RAD51B: variants seen among roughly 807,000 people sequenced by gnomAD.
RAD51B encodes the protein RAD51 paralog B, also known as DNA repair protein RAD51 homolog 2.
RAD51B carries 38 observed loss-of-function variants against 42.2 expected under a neutral mutation model. The observed-to-expected ratio is 0.90, with a 90% confidence interval of 0.70 to 1.18. The LOEUF (loss-of-function observed/expected upper bound fraction) is 1.18. RAD51B is among the 50% of genes most tolerant of loss of function. RAD51B has a pLI of 0.00. For missense variants in RAD51B, 373 were observed against 400.7 expected, an observed-to-expected ratio of 0.93 and a Z score of 0.59; for synonymous variants, 154 against 145.2, an observed-to-expected ratio of 1.06 and a Z score of -0.43.
chr14:68,349,928 G>T (rs1469351207), intron 8 of RAD51B, among the ~76,000 whole-genome samples: 1 of 152,204 alleles, frequency 6.6e-6, no homozygotes, highest in African/African-American at 2.4e-5. Flanking sequence ...ACACATAGAT[G>T]CAAGCTTGTG....
intron 7 of RAD51B, among the ~76,000 whole-genome samples, chr14:68,264,336 G>A (rs1384743397): frequency 6.6e-6 from 1 of 152,236 alleles, no homozygotes; most frequent in East Asian, 1.9e-4. Context: ...TCTATGACTG[G>A]GGTTAGGGAT....
At position 68,422,049 on chromosome 14, in the gene RAD51B, C is replaced by A. The variant is rs1488001931; in HGVS notation, c.957+10522C>A. The A allele has an allele frequency of 2.0e-6, 3 of 1,535,492 alleles. No individual in the cohort carries two copies. The African/African-American group carries it at 4.1e-5, about 21-fold the overall frequency. On this transcript the variant is annotated intron_variant, in intron 9 of 10. Coordinates refer to ENST00000471583, the MANE Select transcript of RAD51B (RefSeq NM_133510.4). ...GGAATAATTCTGTGAAAGCAGGAAA[C>A]CTTATAACCAAATCCTTTCTCTCCA...
At chr14:68,506,592 G>C (rs1406415263) in intron 10 of RAD51B, among the ~76,000 whole-genome samples, 1 of 152,248 alleles carries the variant, frequency 6.6e-6, no homozygotes, top group Admixed American at 6.5e-5. Context: ...TGGCTCCCCA[G>C]CTCCTGTGTG....
chr14:68,648,023 G>GTATATATA (rs1398832977), intron 10 of RAD51B, among the ~76,000 whole-genome samples: 1 of 28,628 alleles, frequency 3.5e-5, no homozygotes, highest in Admixed American at 3.9e-4. Context: ...ATATATATAC[G>GTATATATA]TATATATATA....
intron 7 of RAD51B, among the ~76,000 whole-genome samples, chr14:67,954,528 A>G (rs971272315): frequency 1.3e-5 from 2 of 152,216 alleles, no homozygotes; most frequent in African/African-American, 4.8e-5. Context: ...AAGGTTAAGA[A>G]AAGACTCCAC....
intron 7 of RAD51B, among the ~76,000 whole-genome samples, chr14:68,153,675 T>C (rs192335803): frequency 4.6e-5 from 7 of 152,326 alleles, no homozygotes; most frequent in Admixed American, 3.9e-4. Context: ...TTAATGGGGT[T>C]GTTTTTTTCT....
chr14:68,562,125 GC>G, intron 10 of RAD51B: 2 of 985,352 alleles, frequency 2.0e-6, no homozygotes, highest in Non-Finnish European at 2.4e-6. Context: ...CCCTGTGAAA[GC>G]CCTCGTCACC....
chr14:68,664,579 T>TA, intron 11 of RAD51B, among the ~76,000 whole-genome samples: 1 of 152,324 alleles, frequency 6.6e-6, no homozygotes, highest in South Asian at 2.1e-4. Flanking sequence ...GATGGAGGAA[T>TA]ACAGCTCTCC....
At chr14:68,639,818 C>T (rs1172297714) in intron 10 of RAD51B, among the ~76,000 whole-genome samples, 1 of 151,860 alleles carries the variant, frequency 6.6e-6, no homozygotes, top group East Asian at 1.9e-4. Flanking sequence ...GAGTCAGAGT[C>T]TCGCTTTGTT....
chr14:68,652,547 C>G (rs1341631070), intron 11 of RAD51B, among the ~76,000 whole-genome samples: 1 of 152,230 alleles, frequency 6.6e-6, no homozygotes, highest in Non-Finnish European at 1.5e-5. Context: ...TCTTGCCCAA[C>G]CTTCACTTAC....
At chr14:68,498,062 T>C (rs368488541) in intron 10 of RAD51B, among the ~76,000 whole-genome samples, 1 of 152,236 alleles carries the variant, frequency 6.6e-6, no homozygotes, top group African/African-American at 2.4e-5. Flanking sequence ...GGTGATTCTA[T>C]GTTTAACTTT....
At chr14:68,059,343 C>T (rs1279384985) in intron 7 of RAD51B, among the ~76,000 whole-genome samples, 1 of 152,160 alleles carries the variant, frequency 6.6e-6, no homozygotes, top group Admixed American at 6.6e-5. Flanking sequence ...TACTTTTTAA[C>T]TATTTCTTAC....
chr14:68,655,179 CA>C (rs1892786474), intron 11 of RAD51B, among the ~76,000 whole-genome samples: 1 of 152,094 alleles, frequency 6.6e-6, no homozygotes, highest in South Asian at 2.1e-4. Flanking sequence ...TAGCTGCCCC[CA>C]CTCTCAGGAG....
In RAD51B at chr14:67,936,417, T is replaced by C. The variant is rs143815083; in HGVS notation, c.756+49213T>C. Among the ~76,000 whole-genome samples the C allele has an allele frequency of 7.3e-3, 1,118 of 152,354 alleles. 33 individuals are homozygous for C. The highest frequency in any genetic ancestry group is 0.057 in the Admixed American group (875 of 15,300). On this transcript the variant is annotated intron_variant, in intron 7 of 10. Coordinates refer to ENST00000471583, the MANE Select transcript of RAD51B (RefSeq NM_133510.4). ...TCAAAATTAGTGTTGCAGCATGTTA[T>C]CAGTATTCTTCATTCCTTTTCATTG...
At chr14:68,450,794 ATTGT>A (rs1264166720) in intron 9 of RAD51B, among the ~76,000 whole-genome samples, 2 of 152,214 alleles carry the variant, frequency 1.3e-5, no homozygotes, top group African/African-American at 4.8e-5. Flanking sequence ...AGAAAAATTA[ATTGT>A]TTGTTGGGAC....
At chr14:68,595,549 C>T (rs886070811) in exon 11 of RAD51B, 4 of 1,066,412 alleles carry the variant, frequency 3.8e-6, no homozygotes, top group Non-Finnish European at 4.5e-6. Context: ...ATCAAATGAC[C>T]AATGGCTTTT....
intron 8 of RAD51B, among the ~76,000 whole-genome samples, chr14:68,345,615 T>C (rs1387443367): frequency 6.6e-6 from 1 of 151,972 alleles, no homozygotes; most frequent in Non-Finnish European, 1.5e-5. Flanking sequence ...CTGTAGAGCC[T>C]GCAGAGCTGT....
At chr14:68,548,860 C>T (rs924294342) in intron 10 of RAD51B, among the ~76,000 whole-genome samples, 1 of 152,196 alleles carries the variant, frequency 6.6e-6, no homozygotes, top group Non-Finnish European at 1.5e-5. Context: ...CTTTTCTGTT[C>T]TCCTTTCTTT....
intron 4 of RAD51B, among the ~76,000 whole-genome samples, chr14:67,855,820 A>G (rs2041979208): frequency 6.6e-6 from 1 of 152,186 alleles, no homozygotes; most frequent in Admixed American, 6.5e-5. Context: ...ACAAGTTGTA[A>G]CAGCAGCAGG....
Sources: gnomAD v4.1 joint callset for allele counts (sites outside exome capture counted in the v4.1 genomes callset) on GRCh38, gnomAD v4.1.1 for gene constraint, MANE v1.5 for transcripts, NCBI Gene and HGNC (gene_info 2026-07-23, HGNC 2026-07-21) for gene names.